Variants in MPO observed in about 807,000 individuals in gnomAD.
The protein encoded by MPO is myeloperoxidase.
Under a neutral mutation model 69.4 loss-of-function variants are expected in MPO, and 57 were observed. The observed-to-expected ratio is 0.82, with a 90% CI of 0.66 to 1.02. The LOEUF is 1.02. MPO is among the 50% of genes least tolerant of loss of function. The pLI, the probability that MPO is intolerant of heterozygous loss-of-function variation, is 0.00. For missense variants in MPO, 971 were observed against 1,014.1 expected, an observed-to-expected ratio of 0.96 and a Z score of 0.58; for synonymous variants, 426 against 417.1, an observed-to-expected ratio of 1.02 and a Z score of -0.26.
At position 58,275,834 on chromosome 17, in the gene MPO, A is replaced by T. The variant is rs2143973855; in HGVS notation, c.1205-132T>A. The T allele has an allele frequency of 2.7e-6, 3 of 1,117,222 alleles. No individual in the cohort carries two copies. Among genetic ancestry groups the T allele is most frequent in the South Asian group, 1.3e-5 (1 of 74,446 alleles). 69.2% of individuals were successfully genotyped at this position (1,117,222 alleles called of 1,614,324 possible). A position where few individuals can be genotyped will look rare whatever the true frequency, so the allele number is the denominator to read the frequency against. On this transcript the variant is annotated intron_variant, in intron 7 of 11. Coordinates refer to ENST00000225275, the MANE Select transcript of MPO (RefSeq NM_000250.2). The surrounding 1 kb of genome is among the most constrained non-coding windows in gnomAD (Gnocchi z 4.1). ...CCCTCCTCCCCATCCATCTTTTCAA[A>T]CTATCCCCAATTTACACTCCTCTAG...
chr17:58,275,732 T>G lies in MPO; in HGVS notation c.1205-30A>C, dbSNP rs1970428226. 1.2e-5 allele frequency: 20 copies of G among 1,613,672 alleles called. No homozygotes were observed. Among genetic ancestry groups the G allele is most frequent in the Non-Finnish European group, 1.7e-5 (20 of 1,179,864 alleles). ...GGGAGGCAAAAGCCACTGTCATTCT[T>G]AAGGCCTCCATCCCAGAAAAGATTT... On this transcript the variant is annotated intron_variant, in intron 7 of 11. Coordinates refer to ENST00000225275, the MANE Select transcript of MPO (RefSeq NM_000250.2). The surrounding 1 kb of genome is among the most constrained non-coding windows in gnomAD (Gnocchi z 4.1).
rs1349502862 is a variant in MPO at position 58,275,108 on chromosome 17, C to A, written c.1365+434G>T. On this transcript the variant is annotated intron_variant, in intron 8 of 11. Transcript: ENST00000225275. This position sits in a 1 kb window ranked among gnomAD's most constrained non-coding sequence, Gnocchi z 4.1. ...TTGATCTCCTGACCTCGTGATCCACCCGCCTCCGCCTCCCAAAGTGCTGGG... is the reference window on the plus strand; with the variant it reads ...TTGATCTCCTGACCTCGTGATCCACACGCCTCCGCCTCCCAAAGTGCTGGG... Among the ~76,000 whole-genome samples, 3 of 152,100 alleles carry A rather than the reference C, an allele frequency of 2.0e-5. No individual in the cohort carries two copies. Among genetic ancestry groups the A allele is most frequent in the African/African-American group, 7.2e-5 (3 of 41,426 alleles).
intron 2 of MPO, 113 bp from the exon 3 acceptor site, chr17:58,280,127 G>T: frequency 7.2e-7 from 1 of 1,397,136 alleles, no homozygotes; most frequent in Non-Finnish European, 9.9e-7. Context: ...CGGGTGGGAG[G>T]AAGGCTTCCT....
Position 58,270,805 on chromosome 17 carries a change from T to A in MPO, c.2089A>T (p.Ile697Phe). 1 of 1,613,990 alleles carries A rather than the reference T, an allele frequency of 6.2e-7. No individual in the cohort carries two copies. Among genetic ancestry groups the A allele is most frequent in the Non-Finnish European group, 8.5e-7 (1 of 1,179,954 alleles). ...TCGCAGATGATCCGGGGCAATGAGA[T>A]CTGGGCCAGGGCCTGTCGCTGCTGC... The part of the protein sequence containing the change: ...SMQQRQALAQ[I>F]SLPRIICDNT... The change falls in exon 12 of 12, where the codon ATC (isoleucine) becomes TTC (phenylalanine). Residue 697 changes from isoleucine (I) to phenylalanine (F), a missense_variant. Transcript: ENST00000225275. The surrounding 1 kb of genome is among the most constrained non-coding windows in gnomAD (Gnocchi z 4.1).
At position 58,279,935 on chromosome 17, in the gene MPO, T is replaced by C. The variant is rs1246096320; in HGVS notation, c.328A>G (p.Arg110Gly). 1.2e-6 allele frequency: 2 copies of C among 1,613,842 alleles called. No homozygotes were observed. The highest frequency in any genetic ancestry group is 1.1e-5 in the South Asian group (1 of 91,076). Reference sequence around the variant, plus strand: ...TAGTCAGCGGCCCTCACCGCCGTCCTGGTGGCTGCCACCGGCTGCTTGAAG... The same window carrying C: ...TAGTCAGCGGCCCTCACCGCCGTCCCGGTGGCTGCCACCGGCTGCTTGAAG... Reference protein sequence around the residue: ...SYFKQPVAATRTAVRAADYLH... With the variant: ...SYFKQPVAATGTAVRAADYLH... The change falls in exon 3 of 12, where the codon AGG (arginine) becomes GGG (glycine). Residue 110 changes from arginine to glycine, a missense_variant. By Grantham distance (125) the Arg-to-Gly change is moderately radical (BLOSUM62 -2). Transcript: ENST00000225275.
In MPO at chr17:58,279,948, C is replaced by G. The variant is rs138269172; in HGVS notation, c.315G>C (p.Pro105=). ...PMELLSYFKQ[P]VAATRTAVRA... is the part of the protein sequence containing the mutation. Reference sequence around the variant, plus strand: ...TCACCGCCGTCCTGGTGGCTGCCACCGGCTGCTTGAAGTAGGATAGGAGTT... The same window carrying G: ...TCACCGCCGTCCTGGTGGCTGCCACGGGCTGCTTGAAGTAGGATAGGAGTT... The change falls in exon 3 of 12, where the codon CCG becomes CCC. Residue 105 remains proline (P), a synonymous_variant. Coordinates refer to ENST00000225275, the MANE Select transcript of MPO (RefSeq NM_000250.2). The G allele has an allele frequency of 6.2e-7, 1 of 1,613,836 alleles. No homozygotes were observed.
At position 58,270,599 on chromosome 17, in the gene MPO, G is replaced by A; in HGVS notation, c.*57C>T. On this transcript the variant is annotated 3_prime_UTR_variant, in exon 12 of 12. Coordinates refer to ENST00000225275, the MANE Select transcript of MPO (RefSeq NM_000250.2). This position sits in a 1 kb window ranked among gnomAD's most constrained non-coding sequence, Gnocchi z 4.1. ...TCATCTAGGGCAAGGAGATCTCCGT[G>A]GTTCCAACTGGCCAGCCCAGATATA... 1 of 1,421,128 alleles carries A rather than the reference G, an allele frequency of 7.0e-7. No homozygotes were observed. The highest frequency in any genetic ancestry group is 9.7e-7 in the Non-Finnish European group (1 of 1,027,016). The allele number at this position is 1,421,128 out of a possible 1,614,324, so 88.0% of individuals were successfully genotyped here.
rs555802990 is a variant in MPO, at chr17:58,278,026, G to A, written c.1005C>T (p.Ser335=). 1 of 1,613,896 alleles carries A rather than the reference G, an allele frequency of 6.2e-7. No individual in the cohort carries two copies. The highest frequency in any genetic ancestry group is 1.7e-5 in the Admixed American group (1 of 60,038). Residue 335 remains serine, a synonymous_variant, in exon 7 of 12, where the codon TCC becomes TCT. Coordinates refer to ENST00000225275, the MANE Select transcript of MPO (RefSeq NM_000250.2). ...TIRNQINALT[S]FVDASMVYGS... ...CGTACACCATGCTGGCGTCCACGAA[G>A]GAAGTGAGCGCGTTGATCTGGTTGC... is the stretch of plus-strand genomic sequence containing the variant.
At chr17:58,271,922 G>A in intron 10 of MPO, 30 bp from the exon 11 acceptor site, 7 of 1,607,944 alleles carry the variant, frequency 4.4e-6, no homozygotes, top group Non-Finnish European at 5.1e-6. Context: ...GGTGGCTATG[G>A]GCAGGTCTCT....
chr17:58,278,185 A>G, intron 6 of MPO, 40 bp from the exon 7 acceptor site: 1 of 1,595,308 alleles, frequency 6.3e-7, no homozygotes, highest in Middle Eastern at 1.7e-4. Context: ...CACCGAGGGC[A>G]AGGAAGGTGC....
chr17:58,276,024 C>G (rs1306494242), intron 7 of MPO, among the ~76,000 whole-genome samples: 1 of 152,182 alleles, frequency 6.6e-6, no homozygotes, highest in African/African-American at 2.4e-5. Context: ...AAGGCTTGTG[C>G]CTTTTTATAT....
At chr17:58,279,479 C>A in intron 4 of MPO, 44 bp downstream of exon 4, 1 of 1,612,672 alleles carries the variant, frequency 6.2e-7, no homozygotes, top group Non-Finnish European at 8.5e-7. Context: ...GTCCGGGACG[C>A]CTCTCTGAGC....
At chr17:58,272,583 C>A (rs1970380034) in intron 10 of MPO, among the ~76,000 whole-genome samples, 165 bp downstream of exon 10, 1 of 152,112 alleles carries the variant, frequency 6.6e-6, no homozygotes, top group Non-Finnish European at 1.5e-5. Context: ...TCAGGTGGGT[C>A]CGGGAAAAGG....
chr17:58,280,601 T>C lies in MPO; in HGVS notation c.154+4A>G. The C allele has an allele frequency of 6.2e-7, 1 of 1,614,204 alleles. No homozygotes were observed. The highest frequency in any genetic ancestry group is 8.5e-7 in the Non-Finnish European group (1 of 1,180,042). ...CCATCTTCTCCCACCTTGGGAACTGTTACCTGGAGCAGCACCTTCAGAGGG... is the reference window on the plus strand; with the variant it reads ...CCATCTTCTCCCACCTTGGGAACTGCTACCTGGAGCAGCACCTTCAGAGGG... On this transcript the variant is annotated splice_donor_region_variant and intron_variant, in intron 1 of 11. Coordinates refer to ENST00000225275, the MANE Select transcript of MPO (RefSeq NM_000250.2).
chr17:58,270,870 G>A lies in MPO; in HGVS notation c.2031-7C>T. The A allele has an allele frequency of 6.2e-7, 1 of 1,612,798 alleles. No homozygotes were observed. Among genetic ancestry groups the A allele is most frequent in the Non-Finnish European group, 8.5e-7 (1 of 1,179,954 alleles). On this transcript the variant is annotated splice_polypyrimidine_tract_variant and splice_region_variant and intron_variant, in intron 11 of 11. Transcript: ENST00000225275. This position sits in a 1 kb window ranked among gnomAD's most constrained non-coding sequence, Gnocchi z 4.1. ...CTCGTTCTCCCACCAAAACCTGCATGGGGAACACCCATGGACACTGTGCCC... is the reference window on the plus strand; with the variant it reads ...CTCGTTCTCCCACCAAAACCTGCATAGGGAACACCCATGGACACTGTGCCC...
At position 58,272,836 on chromosome 17, in the gene MPO, G is replaced by C. The variant is rs759716007; in HGVS notation, c.1704C>G (p.Ile568Met). Residue 568 changes from isoleucine to methionine, a missense_variant, in exon 10 of 12, where the codon ATC becomes ATG. Physicochemically the swap from Ile to Met is conservative, Grantham distance 10. Transcript: ENST00000225275. The part of the protein sequence containing the change: ...NRQNQIAVDE[I>M]RERLFEQVMR... ...TGACCTGCTCAAACAATCGCTCCCG[G>C]ATCTCATCCACTGCAATTTGGTTCT... 6.2e-7 allele frequency: 1 copy of C among 1,614,200 alleles called. No homozygotes were observed. The highest frequency in any genetic ancestry group is 2.2e-5 in the East Asian group (1 of 44,886).
intron 10 of MPO, 118 bp from the exon 11 acceptor site, chr17:58,272,010 C>T: frequency 9.5e-7 from 1 of 1,053,382 alleles, no homozygotes; most frequent in East Asian, 2.4e-5. Context: ...ACCCACCTTC[C>T]CAACACAACC....
Position 58,280,895 on chromosome 17 carries a change from G to C in MPO, c.-137C>G. ...TCCCCTTGCCAGCTGCTGTCATCCA[G>C]CTTCCAAGGACCCCACCTCCACAGC... On this transcript the variant is annotated 5_prime_UTR_variant, in exon 1 of 12. Transcript: ENST00000225275. 2 of 1,028,736 alleles carry C rather than the reference G, an allele frequency of 1.9e-6. No homozygotes were observed. The highest frequency in any genetic ancestry group is 2.5e-5 in the Admixed American group (1 of 39,658). 63.7% of individuals were successfully genotyped at this position (1,028,736 alleles called of 1,614,324 possible).
At chr17:58,280,270 T>TC in intron 2 of MPO, 96 bp downstream of exon 2, 1 of 1,276,230 alleles carries the variant, frequency 7.8e-7, no homozygotes, top group South Asian at 1.2e-5. Flanking sequence ...GTCCCCATAG[T>TC]CCCCCTCTCC....
Sources: allele counts gnomAD v4.1 joint callset (sites outside exome capture counted in the v4.1 genomes callset), GRCh38; gene constraint gnomAD v4.1.1; non-coding constraint Gnocchi (gnomAD v3.1); transcripts MANE v1.5; gene names NCBI Gene and HGNC (gene_info 2026-07-23, HGNC 2026-07-21).